The following APBB1 variants were observed in gnomAD, a reference collection of about 807,000 sequenced individuals.
APBB1 encodes adaptor protein FE65a2.
APBB1 carries 22 observed loss-of-function variants against 78.4 expected under a neutral mutation model. That is an observed-to-expected ratio of 0.28 (90% CI 0.20 to 0.40). The LOEUF (loss-of-function observed/expected upper bound fraction) is 0.40. Among genes scored for constraint, APBB1 ranks in the 10% least tolerant of loss-of-function variants. The pLI is 1.00. For missense variants in APBB1, 749 were observed against 932.4 expected (o/e 0.80, Z 2.56); for synonymous variants, 369 against 372.7 (o/e 0.99, Z 0.12).
Position 6,401,112 on chromosome 11 carries a change from T to A in APBB1, c.1589-40A>T, listed in dbSNP as rs1848475507. 1 of 1,614,098 alleles carries A rather than the reference T, an allele frequency of 6.2e-7. No individual in the cohort carries two copies. Among genetic ancestry groups the A allele is most frequent in the South Asian group, 1.1e-5 (1 of 91,076 alleles). ...AGAAGGTTGATCATGGTGGCAGACCTTGCTCACCCGCAGCCCCACCAGCAG... is the reference window on the plus strand; with the variant it reads ...AGAAGGTTGATCATGGTGGCAGACCATGCTCACCCGCAGCCCCACCAGCAG... On this transcript the variant is annotated intron_variant, in intron 11 of 14. Transcript: ENST00000609360. This position sits in a 1 kb window ranked among gnomAD's most constrained non-coding sequence, Gnocchi z 4.5.
At chr11:6,417,432 T>C (rs187986794) in intron 1 of APBB1, among the ~76,000 whole-genome samples, 8 of 152,362 alleles carry the variant, frequency 5.3e-5, no homozygotes, top group African/African-American at 1.9e-4. Context: ...TATTTGATTT[T>C]TCTCCTAGAT....
intron 12 of APBB1, among the ~76,000 whole-genome samples, chr11:6,397,251 C>A (rs1331357113): frequency 6.6e-6 from 1 of 152,238 alleles, no homozygotes; most frequent in Non-Finnish European, 1.5e-5. Flanking sequence ...TAGGAGCAGA[C>A]CACGTGGACT....
In APBB1 at chr11:6,395,633, A is replaced by G; in HGVS notation, c.2034T>C (p.Ala678=). Residue 678 remains alanine (A), a synonymous_variant, in exon 15 of 15, where the codon GCT becomes GCC. Transcript: ENST00000609360. The surrounding 1 kb of genome is among the most constrained non-coding windows in gnomAD (Gnocchi z 5.2). The part of the protein sequence containing the change: ...ASTSCLPAPP[A]ESVARRVGWT... ...ACCCTACACGCCGTGCCACAGACTC[A>G]GCAGGGGGTGCTGGGAGGCAGGAGG... The G allele has an allele frequency of 6.3e-7, 1 of 1,597,046 alleles. No homozygotes were observed. The highest frequency in any genetic ancestry group is 1.1e-5 in the South Asian group (1 of 88,824).
At chr11:6,404,609 C>T (rs1252079000) in intron 2 of APBB1, 35 of 1,536,102 alleles carry the variant, frequency 2.3e-5, no homozygotes, top group Non-Finnish European at 2.7e-5. Flanking sequence ...ACACATACCT[C>T]GCATCTGTGT....
At chr11:6,416,522 C>A (rs1489363645) in intron 1 of APBB1, among the ~76,000 whole-genome samples, 1 of 152,192 alleles carries the variant, frequency 6.6e-6, no homozygotes, top group African/African-American at 2.4e-5. Flanking sequence ...CACTCCCACA[C>A]ACTAACTGGT....
intron 2 of APBB1, chr11:6,405,088 C>A: frequency 7.3e-7 from 1 of 1,370,042 alleles, no homozygotes. Context: ...CGCCCTGGCT[C>A]CCCTCCCCCA....
At position 6,402,672 on chromosome 11, in the gene APBB1, G is replaced by A. The variant is rs1191572924; in HGVS notation, c.1158C>T (p.Ala386=). 6.2e-7 allele frequency: 1 copy of A among 1,614,142 alleles called. No homozygotes were observed. The highest frequency in any genetic ancestry group is 1.7e-5 in the Admixed American group (1 of 60,022). The change falls in exon 7 of 15, where the codon GCC becomes GCT. Residue 386 remains alanine, a synonymous_variant. Transcript: ENST00000609360. The stretch of plus-strand genomic sequence containing the variant: ...TGACTGCCACACTGCTGCGTCCAGG[G>A]GCCAGCTCCTCCTCGGTCATCTCTA... ...GWVEMTEEEL[A]PGRSSVAVNN...
chr11:6,409,785 G>C lies in APBB1; in HGVS notation c.721+842C>G, dbSNP rs911107689. Among the ~76,000 whole-genome samples the C allele has an allele frequency of 8.6e-5, 13 of 151,900 alleles. 1 individual carries two copies. The highest frequency in any genetic ancestry group is 3.2e-4 in the African/African-American group (13 of 41,228). ...TCAGCTTTTCCTGTATTCGCTACACGACATTAGAAAATGTGGAGACTCAGC... is the reference window on the plus strand; with the variant it reads ...TCAGCTTTTCCTGTATTCGCTACACCACATTAGAAAATGTGGAGACTCAGC... On this transcript the variant is annotated intron_variant, in intron 2 of 14. Transcript: ENST00000609360.
intron 1 of APBB1, among the ~76,000 whole-genome samples, chr11:6,415,161 C>A (rs1470703135): frequency 6.6e-6 from 1 of 152,242 alleles, no homozygotes; most frequent in Non-Finnish European, 1.5e-5. Context: ...TCTCTCCCCT[C>A]TCATTGGAGT....
Position 6,411,045 on chromosome 11 carries a change from C to T in APBB1, c.303G>A (p.Gln101=). Residue 101 remains glutamine (Q), a synonymous_variant, in exon 2 of 15, where the codon CAG becomes CAA. Coordinates refer to ENST00000609360, the MANE Select transcript of APBB1 (RefSeq NM_001164.5). The surrounding 1 kb of genome is among the most constrained non-coding windows in gnomAD (Gnocchi z 5.2). The stretch of plus-strand genomic sequence containing the variant: ...GGCCCAAGGGTGCCATCTCAGGCTC[C>T]TGGCTGGCCTCCTCCGCCAAGGTCA... ...VTLTLAEEAS[Q]EPEMAPLGPK... 1 of 1,614,088 alleles carries T rather than the reference C, an allele frequency of 6.2e-7. No homozygotes were observed. Among genetic ancestry groups the T allele is most frequent in the African/African-American group, 1.3e-5 (1 of 75,072 alleles).
chr11:6,404,768 A>G (rs1207391480), intron 2 of APBB1: 2 of 1,536,320 alleles, frequency 1.3e-6, no homozygotes, highest in African/African-American at 1.4e-5. Context: ...CTGCAGGATA[A>G]TGGCCAGGAA....
At chr11:6,408,885 C>A (rs1590786210) in intron 2 of APBB1, among the ~76,000 whole-genome samples, 1 of 152,170 alleles carries the variant, frequency 6.6e-6, no homozygotes, top group Non-Finnish European at 1.5e-5. Flanking sequence ...GCAATCCACC[C>A]ACCTTAGCCT....
Position 6,402,577 on chromosome 11 carries a change from T to TC in APBB1, c.1252dup (p.Glu418GlyfsTer12), listed in dbSNP as rs1378386109. The stretch of plus-strand genomic sequence containing the variant: ...CCTACCCCCGGCTCAGGTCCTTACT[T>TC]CCCCCCAGCCCCCAGACATGGGGTC... On this transcript the variant is annotated frameshift_variant and splice_region_variant, in exon 7 of 15. Transcript: ENST00000609360. LOFTEE classifies it high-confidence loss of function. The TC allele has an allele frequency of 6.2e-7, 1 of 1,613,546 alleles. No individual in the cohort carries two copies. Among genetic ancestry groups the TC allele is most frequent in the African/African-American group, 1.3e-5 (1 of 74,736 alleles).
chr11:6,396,168 T>C lies in APBB1; in HGVS notation c.1720A>G (p.Ser574Gly). ...GALESVLSSS[S>G]REQWTPSHVS... ...TGACTTGGGGTCCATTGTTCACGGC[T>C]GCTGGAGGACAGGACTGACTCGAGG... The change falls in exon 13 of 15, where the codon AGC (serine) becomes GGC (glycine). Residue 574 changes from serine (S) to glycine (G), a missense_variant. This residue lies in a region of APBB1 where 635 missense variants were observed against 765.0 expected (regional missense o/e 0.83). Transcript: ENST00000609360. 6 of 1,551,988 alleles carry C rather than the reference T, an allele frequency of 3.9e-6. No homozygotes were observed. The highest frequency in any genetic ancestry group is 5.2e-6 in the Non-Finnish European group (6 of 1,147,274).
chr11:6,404,588 C>T, intron 2 of APBB1: 1 of 1,536,096 alleles, frequency 6.5e-7, no homozygotes, highest in Non-Finnish European at 8.7e-7. Flanking sequence ...GCAAACATGT[C>T]ATGCACATAC....
chr11:6,419,344 A>C, upstream of APBB1: 4 of 211,750 alleles, frequency 1.9e-5, no homozygotes, highest in Non-Finnish European at 2.8e-5. Flanking sequence ...CCACAGACTC[A>C]CCCTGCGCGC....
chr11:6,410,793 A>T lies in APBB1; in HGVS notation c.555T>A (p.Ser185Arg). The change falls in exon 2 of 15, where the codon AGT becomes AGA. Residue 185 changes from serine to arginine, a missense_variant. Coordinates refer to ENST00000609360, the MANE Select transcript of APBB1 (RefSeq NM_001164.5). The stretch of plus-strand genomic sequence containing the variant: ...CTTGGGGCCTGGGAGGGGCCTCCAC[A>T]CTCTCCAGGGGCTCAGGCAGCCCTG... The part of the protein sequence containing the change: ...SPPGLPEPLE[S>R]VEAPPRPQAL... 4.3e-6 allele frequency: 7 copies of T among 1,609,718 alleles called. No homozygotes were observed. Among genetic ancestry groups the T allele is most frequent in the Middle Eastern group, 1.7e-4 (1 of 6,028 alleles).
intron 6 of APBB1, 189 bp from the exon 7 acceptor site, chr11:6,402,914 C>CA (rs922378904): frequency 1.4e-4 from 115 of 813,852 alleles, no homozygotes; most frequent in Non-Finnish European, 2.1e-4. Flanking sequence ...CCAGCTAGTA[C>CA]AAAAAAGCAC....
chr11:6,417,851 T>C lies in APBB1; in HGVS notation c.-15+1134A>G, dbSNP rs140830432. ...TTGAGATTCGAAGGAAGAACAGATTTGGAAGTGGGGTACAGAGAAAACCAC... is the reference window on the plus strand; with the variant it reads ...TTGAGATTCGAAGGAAGAACAGATTCGGAAGTGGGGTACAGAGAAAACCAC... On this transcript the variant is annotated intron_variant, in intron 1 of 14. Coordinates refer to ENST00000609360, the MANE Select transcript of APBB1 (RefSeq NM_001164.5). Among the ~76,000 whole-genome samples, 915 of 152,324 alleles carry C rather than the reference T, an allele frequency of 6.0e-3. 4 individuals carry two copies. Among genetic ancestry groups the C allele is most frequent in the South Asian group, 0.029 (139 of 4,824 alleles).
Sources: gnomAD v4.1 joint callset for allele counts (sites outside exome capture counted in the v4.1 genomes callset) on GRCh38, gnomAD v4.1.1 for gene constraint, gnomAD v4.1.1 regional missense constraint, Gnocchi (gnomAD v3.1) non-coding constraint, MANE v1.5 for transcripts, NCBI Gene and HGNC (gene_info 2026-07-23, HGNC 2026-07-21) for gene names.